Variants in ITPR2 observed in about 807,000 individuals in gnomAD.
ITPR2 encodes inositol 1,4,5-trisphosphate-gated calcium channel ITPR2.
ITPR2 carries 207 observed loss-of-function variants against 317.1 expected under a neutral mutation model. The observed-to-expected ratio is 0.65, with a 90% CI of 0.58 to 0.73. The LOEUF (loss-of-function observed/expected upper bound fraction) is 0.73. Among genes scored for constraint, ITPR2 ranks in the 30% least tolerant of loss-of-function variants. ITPR2 has a pLI of 0.00. For synonymous variants in ITPR2, 1,156 were observed against 1,149.1 expected (o/e 1.01, Z -0.12); for missense variants, 2,613 against 3,284.0 (o/e 0.80, Z 4.99).
At chr12:26,663,439 T>C (rs766507117) in intron 15 of ITPR2, among the ~76,000 whole-genome samples, 2 of 152,218 alleles carry the variant, frequency 1.3e-5, no homozygotes, top group Non-Finnish European at 2.9e-5. Context: ...CAGGAACCAA[T>C]AACAGGCACA....
chr12:26,377,678 T>C (rs1939384251), intron 55 of ITPR2, among the ~76,000 whole-genome samples: 1 of 152,232 alleles, frequency 6.6e-6, no homozygotes, highest in Non-Finnish European at 1.5e-5. Flanking sequence ...GGTAAAATCA[T>C]AGACATCGGT....
At chr12:26,751,316 A>G (rs913081804) in intron 2 of ITPR2, among the ~76,000 whole-genome samples, 2 of 152,148 alleles carry the variant, frequency 1.3e-5, no homozygotes, top group African/African-American at 4.8e-5. Flanking sequence ...ACAAACCTAC[A>G]CATGTACCCA....
At chr12:26,790,566 C>T (rs2137213319) in intron 1 of ITPR2, among the ~76,000 whole-genome samples, 1 of 134,824 alleles carries the variant, frequency 7.4e-6, no homozygotes, top group African/African-American at 2.7e-5. Context: ...GGTAACCAAT[C>T]AATAAGATAC....
intron 10 of ITPR2, among the ~76,000 whole-genome samples, chr12:26,695,257 A>T (rs1183341190): frequency 6.6e-6 from 1 of 152,120 alleles, no homozygotes; most frequent in East Asian, 1.9e-4. Context: ...GAATTTCTGA[A>T]TTTTTGATTG....
chr12:26,526,082 T>C (rs946027701), intron 37 of ITPR2, among the ~76,000 whole-genome samples: 2 of 152,192 alleles, frequency 1.3e-5, no homozygotes, highest in Non-Finnish European at 2.9e-5. Flanking sequence ...CTCCTCTGCT[T>C]ATATCAGCTG....
intron 45 of ITPR2, among the ~76,000 whole-genome samples, chr12:26,444,698 T>G (rs1941566856): frequency 6.6e-6 from 1 of 151,780 alleles, no homozygotes; most frequent in South Asian, 2.1e-4. Context: ...TTTCCTATTA[T>G]TCATGAGATC....
chr12:26,643,380 G>T (rs1947036728), intron 21 of ITPR2, among the ~76,000 whole-genome samples: 1 of 152,226 alleles, frequency 6.6e-6, no homozygotes, highest in African/African-American at 2.4e-5. Flanking sequence ...ACTGGGTAGT[G>T]GGTAGAGGCT....
At chr12:26,756,203 C>T (rs1369970354) in intron 2 of ITPR2, among the ~76,000 whole-genome samples, 1 of 152,128 alleles carries the variant, frequency 6.6e-6, no homozygotes, top group South Asian at 2.1e-4. Flanking sequence ...AACTATGGTA[C>T]ATCTGTTATT....
intron 51 of ITPR2, among the ~76,000 whole-genome samples, chr12:26,414,601 G>A (rs1940661995): frequency 6.6e-6 from 1 of 151,908 alleles, no homozygotes; most frequent in Non-Finnish European, 1.5e-5. Flanking sequence ...ACAACACAAG[G>A]TAGGAAAGGG....
chr12:26,734,683 T>C (rs1011563883), intron 2 of ITPR2, among the ~76,000 whole-genome samples: 7 of 151,756 alleles, frequency 4.6e-5, no homozygotes, highest in Middle Eastern at 6.8e-3. Context: ...AGTTATGTAA[T>C]AGCAATATTT....
At chr12:26,348,339 G>A (rs964691535) in intron 55 of ITPR2, among the ~76,000 whole-genome samples, 1 of 152,166 alleles carries the variant, frequency 6.6e-6, no homozygotes, top group Non-Finnish European at 1.5e-5. Context: ...ATGGGGCGTG[G>A]TTATGGGGGC....
chr12:26,550,143 G>T, intron 37 of ITPR2, 104 bp downstream of exon 37: 1 of 547,206 alleles, frequency 1.8e-6, no homozygotes. Context: ...GCATCATTAA[G>T]ATATAATGCA....
chr12:26,363,164 G>A (rs558833309), intron 55 of ITPR2, among the ~76,000 whole-genome samples: 4 of 152,232 alleles, frequency 2.6e-5, no homozygotes, highest in South Asian at 2.1e-4. Context: ...TCACAGCAAC[G>A]GTGGTATTAG....
intron 38 of ITPR2, among the ~76,000 whole-genome samples, chr12:26,494,709 G>A (rs1267915338): frequency 7.1e-6 from 1 of 140,418 alleles, no homozygotes; most frequent in East Asian, 2.1e-4. Context: ...GGCAGAGGTT[G>A]CAGTGAGCCA....
chr12:26,543,566 G>A (rs1322017193), intron 37 of ITPR2, among the ~76,000 whole-genome samples: 1 of 152,172 alleles, frequency 6.6e-6, no homozygotes, highest in Non-Finnish European at 1.5e-5. Context: ...TTGAGGTCAG[G>A]AGTTCAAGAC....
At chr12:26,657,378 T>C (rs1188626277) in intron 18 of ITPR2, among the ~76,000 whole-genome samples, 1 of 152,178 alleles carries the variant, frequency 6.6e-6, no homozygotes, top group African/African-American at 2.4e-5. Context: ...CTTAGCTCCA[T>C]GTCTATATCC....
intron 2 of ITPR2, among the ~76,000 whole-genome samples, chr12:26,772,280 A>G (rs80047668): frequency 0.012 from 1,753 of 151,332 alleles, 40 homozygotes; most frequent in African/African-American, 0.041. Flanking sequence ...TGCCATCTCA[A>G]TTAAGAAGCT....
At chr12:26,639,983 C>T (rs997728101) in intron 21 of ITPR2, among the ~76,000 whole-genome samples, 31 of 151,940 alleles carry the variant, frequency 2.0e-4, no homozygotes, top group African/African-American at 7.0e-4. Flanking sequence ...TGGGTATATA[C>T]CCAGTAATGG....
chr12:26,529,879 GTAAGCTCCAATA>G (rs1591862573), intron 37 of ITPR2, among the ~76,000 whole-genome samples: 1 of 152,162 alleles, frequency 6.6e-6, no homozygotes, highest in Non-Finnish European at 1.5e-5. Flanking sequence ...CCTCCAGAAT[GTAAGCTCCAATA>G]TAAGAATGGA....
Sources: gnomAD v4.1 joint callset for allele counts (sites outside exome capture counted in the v4.1 genomes callset) on GRCh38, gnomAD v4.1.1 for gene constraint, MANE v1.5 for transcripts, NCBI Gene and HGNC (gene_info 2026-07-23, HGNC 2026-07-21) for gene names.